Variants in CHSY1 observed in about 807,000 individuals in gnomAD.
CHSY1 encodes the protein N-acetylgalactosaminyl-proteoglycan 3-beta-glucuronosyltransferase 1.
Under a neutral mutation model 59.8 loss-of-function variants are expected in CHSY1, and 13 were observed. The observed-to-expected ratio is 0.22, with a 90% CI of 0.14 to 0.35. The LOEUF is 0.35. Among genes scored for constraint, CHSY1 ranks in the 10% least tolerant of loss-of-function variants. The pLI, the probability that CHSY1 is intolerant of heterozygous loss-of-function variation, is 1.00. For missense variants in CHSY1, 947 were observed against 1,030.6 expected, an observed-to-expected ratio of 0.92 and a Z score of 1.11; for synonymous variants, 459 against 401.2, an observed-to-expected ratio of 1.14 and a Z score of -1.72.
chr15:101,235,199 C>A lies in CHSY1; in HGVS notation c.699G>T (p.Arg233=). The A allele has an allele frequency of 2.5e-6, 4 of 1,613,954 alleles. No homozygotes were observed. In the South Asian group the frequency reaches 4.4e-5, roughly 18 times the overall value. Residue 233 remains arginine, a synonymous_variant, in exon 2 of 3, where the codon CGG becomes CGT. Transcript: ENST00000254190. The part of the protein sequence containing the change: ...PGVIMSREVL[R]RMVPHIGKCL... The stretch of plus-strand genomic sequence containing the variant: ...ACTTGCCAATGTGCGGCACCATTCT[C>A]CGAAGCACCTCCCGGCTCATGATCA...
chr15:101,235,292 G>A lies in CHSY1; in HGVS notation c.606C>T (p.Gly202=). Residue 202 remains glycine (G), a synonymous_variant, in exon 2 of 3, where the codon GGC becomes GGT. Transcript: ENST00000254190. ...CCAGTTTTCCCATTTCTTCCGTGGT[G>A]CCCAGGCCTGTCTGCCCAAGAAAGA... ...EPLFLGQTGL[G]TTEEMGKLAL... The A allele has an allele frequency of 6.2e-7, 1 of 1,614,184 alleles. No homozygotes were observed. Among genetic ancestry groups the A allele is most frequent in the Non-Finnish European group, 8.5e-7 (1 of 1,180,032 alleles).
intron 2 of CHSY1, among the ~76,000 whole-genome samples, chr15:101,211,974 T>C (rs1319323665): frequency 2.0e-5 from 3 of 148,214 alleles, no homozygotes; most frequent in African/African-American, 7.4e-5. Flanking sequence ...CTTCAAGACT[T>C]GGGGTAGGCA....
At chr15:101,185,534 C>T (rs11634506) in intron 2 of CHSY1, among the ~76,000 whole-genome samples, 578 of 20,586 alleles carry the variant, frequency 0.028, 1 homozygote, top group South Asian at 0.051. Flanking sequence ...CTGTGAACGC[C>T]CTCCATGGAG....
rs150072114 is a variant in CHSY1 at position 101,189,229 on chromosome 15, G to T, written c.817-10249C>A. 3.0e-3 allele frequency among the ~76,000 whole-genome samples: 460 copies of T among 152,260 alleles called. 5 individuals are homozygous for T. The highest frequency in any genetic ancestry group is 0.01 in the African/African-American group (416 of 41,546). On this transcript the variant is annotated intron_variant, in intron 2 of 2. Coordinates refer to ENST00000254190, the MANE Select transcript of CHSY1 (RefSeq NM_014918.5). ...TCTCTCCCAAGGTGTTTCTAAACCCGGCCCACCCAGCACCAGGTATGGCCC... is the reference window on the plus strand; with the variant it reads ...TCTCTCCCAAGGTGTTTCTAAACCCTGCCCACCCAGCACCAGGTATGGCCC...
At chr15:101,208,578 T>G (rs1329678991) in intron 2 of CHSY1, among the ~76,000 whole-genome samples, 1 of 152,000 alleles carries the variant, frequency 6.6e-6, no homozygotes, top group East Asian at 1.9e-4. Context: ...CCAGGTATGG[T>G]GGCGGACGCC....
chr15:101,192,720 G>T (rs1596433618), intron 2 of CHSY1, among the ~76,000 whole-genome samples: 1 of 33,690 alleles, frequency 3.0e-5, no homozygotes, highest in East Asian at 1.8e-3. Flanking sequence ...AGCAGAGCCT[G>T]GCATTGATGT....
At chr15:101,179,269 G>C (rs937384317) in intron 2 of CHSY1, among the ~76,000 whole-genome samples, 2 of 152,208 alleles carry the variant, frequency 1.3e-5, no homozygotes, top group Admixed American at 1.3e-4. Flanking sequence ...TGAGATCACA[G>C]TGCACCACAG....
chr15:101,200,483 G>C (rs1396273878), intron 2 of CHSY1, among the ~76,000 whole-genome samples: 1 of 152,116 alleles, frequency 6.6e-6, no homozygotes, highest in Non-Finnish European at 1.5e-5. Flanking sequence ...CTTTTCTGGG[G>C]TTACAATTCA....
intron 2 of CHSY1, among the ~76,000 whole-genome samples, chr15:101,214,988 T>C (rs1442163313): frequency 2.0e-5 from 3 of 152,222 alleles, no homozygotes; most frequent in Non-Finnish European, 4.4e-5. Context: ...TTTTTAAAAG[T>C]GTGCGGCACC....
chr15:101,177,316 A>C lies in CHSY1; in HGVS notation c.*72T>G. On this transcript the variant is annotated 3_prime_UTR_variant, in exon 3 of 3. Transcript: ENST00000254190. Reference sequence around the variant, plus strand: ...TATATCCTTGTATACGGACTTCAAAAACTGATCATACAAAAAATTTTTGAA... The same window carrying C: ...TATATCCTTGTATACGGACTTCAAACACTGATCATACAAAAAATTTTTGAA... 8.8e-6 allele frequency: 13 copies of C among 1,482,354 alleles called. No individual in the cohort carries two copies. Among genetic ancestry groups the C allele is most frequent in the Non-Finnish European group, 1.2e-5 (13 of 1,089,322 alleles). The allele number at this position is 1,482,354 out of a possible 1,614,324, so 91.8% of individuals were successfully genotyped here.
chr15:101,191,333 C>G (rs560161111), intron 2 of CHSY1, among the ~76,000 whole-genome samples: 1 of 152,304 alleles, frequency 6.6e-6, no homozygotes, highest in East Asian at 1.9e-4. Flanking sequence ...ACATACTGTA[C>G]GATTCCAACT....
rs772952924 is a variant in CHSY1 at position 101,178,288 on chromosome 15, G to A, written c.1509C>T (p.Ser503=). Residue 503 remains serine, a synonymous_variant, in exon 3 of 3, where the codon TCC becomes TCT. Coordinates refer to ENST00000254190, the MANE Select transcript of CHSY1 (RefSeq NM_014918.5). ...LAKRINQESG[S]LSFLSNSLKK... is the part of the protein sequence containing the mutation. The stretch of plus-strand genomic sequence containing the variant: ...TCAGGGAGTTTGAGAGAAAGGACAA[G>A]GATCCAGATTCCTGATTGATTCTCT... 1.2e-6 allele frequency: 2 copies of A among 1,610,922 alleles called. No individual in the cohort carries two copies. Among genetic ancestry groups the A allele is most frequent in the Non-Finnish European group, 1.7e-6 (2 of 1,177,420 alleles).
At chr15:101,215,215 C>G (rs962924841) in intron 2 of CHSY1, among the ~76,000 whole-genome samples, 1 of 152,146 alleles carries the variant, frequency 6.6e-6, no homozygotes, top group Admixed American at 6.5e-5. Flanking sequence ...AATGTGAGAA[C>G]CAACACAATG....
chr15:101,192,338 C>T (rs1413205352), intron 2 of CHSY1, among the ~76,000 whole-genome samples: 5 of 152,184 alleles, frequency 3.3e-5, no homozygotes, highest in Admixed American at 6.5e-5. Flanking sequence ...ACAGAAGAGA[C>T]GTGTCATGCC....
rs2038805653 is a variant in CHSY1 at position 101,222,984 on chromosome 15, TAACA to T, written c.816+12094_816+12097del. Among the ~76,000 whole-genome samples the T allele has an allele frequency of 2.6e-5, 4 of 152,342 alleles. No homozygotes were observed. The East Asian group carries it at 7.7e-4, about 29-fold the overall frequency. On this transcript the variant is annotated intron_variant, in intron 2 of 2. Transcript: ENST00000254190. ...TGAGCATAAAAACCACCACAGTGAC[TAACA>T]AATACTTTGTTAACTACTTTATTTG...
intron 2 of CHSY1, among the ~76,000 whole-genome samples, chr15:101,216,435 A>G (rs924794738): frequency 6.6e-6 from 1 of 152,252 alleles, no homozygotes; most frequent in Non-Finnish European, 1.5e-5. Context: ...CCACAAAAAC[A>G]TGCACACAAA....
At position 101,176,040 on chromosome 15, in the gene CHSY1, AG is replaced by A. The variant is rs1460848798; in HGVS notation, c.*1347del. 11 of 377,550 alleles carry A rather than the reference AG, an allele frequency of 2.9e-5. No homozygotes were observed. The highest frequency in any genetic ancestry group is 5.1e-5 in the Non-Finnish European group (11 of 213,648). The allele number at this position is 377,550 out of a possible 1,614,324, so 23.4% of individuals were successfully genotyped here. A position where few individuals can be genotyped will look rare whatever the true frequency, so the allele number is the denominator to read the frequency against. On this transcript the variant is annotated 3_prime_UTR_variant, in exon 3 of 3. Coordinates refer to ENST00000254190, the MANE Select transcript of CHSY1 (RefSeq NM_014918.5). ...AACACATGAGCACCAAAATTGTCAA[AG>A]AACACTTAATATTTAGTAAAACAGT...
At chr15:101,211,805 AC>A (rs1163275526) in intron 2 of CHSY1, among the ~76,000 whole-genome samples, 12 of 152,134 alleles carry the variant, frequency 7.9e-5, no homozygotes. Flanking sequence ...TCAGAAAATA[AC>A]TGAAATCAGA....
At chr15:101,226,857 G>GTA (rs1271405934) in intron 2 of CHSY1, among the ~76,000 whole-genome samples, 1 of 152,206 alleles carries the variant, frequency 6.6e-6, no homozygotes, top group Non-Finnish European at 1.5e-5. Flanking sequence ...CTTAAACAGA[G>GTA]TATAAGGCGA....
Sources: allele counts gnomAD v4.1 joint callset (sites outside exome capture counted in the v4.1 genomes callset), GRCh38; gene constraint gnomAD v4.1.1; transcripts MANE v1.5; gene names NCBI Gene and HGNC (gene_info 2026-07-23, HGNC 2026-07-21).